RBFOX1: variants seen among roughly 807,000 people sequenced by gnomAD.
RBFOX1 encodes the protein RNA binding protein fox-1 homolog 1.
A neutral mutation model predicts 57.7 loss-of-function variants in RBFOX1; 8 were observed. The observed-to-expected ratio is 0.14, with a 90% CI of 0.08 to 0.25. The LOEUF is 0.25. Ranked by LOEUF, RBFOX1 falls within the 10% of genes least tolerant of loss-of-function variation. The pLI, the probability that RBFOX1 is intolerant of heterozygous loss-of-function variation, is 1.00. For missense variants in RBFOX1, 611 were observed against 548.5 expected (o/e 1.11, Z -1.14); for synonymous variants, 326 against 222.4 (o/e 1.47, Z -4.15).
At chr16:7,562,488 C>A (rs1006954790) in intron 5 of RBFOX1, among the ~76,000 whole-genome samples, 1 of 152,122 alleles carries the variant, frequency 6.6e-6, no homozygotes, top group African/African-American at 2.4e-5. Context: ...ACACGAGACC[C>A]TGGGCAACTA....
At chr16:6,491,819 GT>G (rs201017025) in intron 2 of RBFOX1, among the ~76,000 whole-genome samples, 1 of 151,876 alleles carries the variant, frequency 6.6e-6, no homozygotes, top group African/African-American at 2.4e-5. Flanking sequence ...CCCTTTCCCC[GT>G]TTTTTTGGCC....
At chr16:6,904,129 G>T (rs999463883) in intron 3 of RBFOX1, among the ~76,000 whole-genome samples, 1 of 152,146 alleles carries the variant, frequency 6.6e-6, no homozygotes, top group African/African-American at 2.4e-5. Context: ...AGTGCAGTTC[G>T]TTCTCAGATC....
chr16:7,597,588 A>T (rs1468761280), intron 9 of RBFOX1, among the ~76,000 whole-genome samples, 157 bp downstream of exon 9: 1 of 152,236 alleles, frequency 6.6e-6, no homozygotes, highest in Non-Finnish European at 1.5e-5. Context: ...CATCAATAAG[A>T]TCATTTTCAC....
At chr16:5,589,672 T>A (rs1399339020) in intron 2 of RBFOX1, among the ~76,000 whole-genome samples, 1 of 152,244 alleles carries the variant, frequency 6.6e-6, no homozygotes, top group African/African-American at 2.4e-5. Context: ...AAGTCCATAA[T>A]GGACTGGGTT....
At chr16:7,120,023 G>A (rs1397659793) in intron 4 of RBFOX1, among the ~76,000 whole-genome samples, 2 of 143,404 alleles carry the variant, frequency 1.4e-5, no homozygotes, top group East Asian at 4.2e-4. Flanking sequence ...ATTGAGTTAA[G>A]CTGGAAATCA....
At chr16:7,511,619 A>C (rs2075105309) in intron 4 of RBFOX1, among the ~76,000 whole-genome samples, 1 of 151,434 alleles carries the variant, frequency 6.6e-6, no homozygotes, top group Non-Finnish European at 1.5e-5. Context: ...AATTGAAATG[A>C]CTTTTTTTTT....
At chr16:5,937,320 A>G (rs2059186845) in intron 4 of RBFOX1, among the ~76,000 whole-genome samples, 1 of 152,166 alleles carries the variant, frequency 6.6e-6, no homozygotes, top group Non-Finnish European at 1.5e-5. Context: ...AAGTGAGAAG[A>G]CAGTATCCCT....
intron 1 of RBFOX1, among the ~76,000 whole-genome samples, chr16:5,431,685 TTTA>T (rs1474710993): frequency 6.6e-6 from 1 of 152,138 alleles, no homozygotes; most frequent in Non-Finnish European, 1.5e-5. Flanking sequence ...TGGTTTATTT[TTTA>T]TTATTATTTG....
intron 3 of RBFOX1, among the ~76,000 whole-genome samples, chr16:6,815,162 G>A (rs961652826): frequency 3.3e-5 from 5 of 152,164 alleles, no homozygotes; most frequent in South Asian, 2.1e-4. Context: ...CTGTCATGGC[G>A]CTGGTGAGAG....
intron 1 of RBFOX1, among the ~76,000 whole-genome samples, chr16:6,077,489 C>G (rs2095921887): frequency 6.6e-6 from 1 of 152,090 alleles, no homozygotes; most frequent in Admixed American, 6.5e-5. Context: ...TCACCCATGA[C>G]CACCACCATC....
chr16:7,684,044 G>A (rs530757541), intron 14 of RBFOX1, among the ~76,000 whole-genome samples: 24 of 152,204 alleles, frequency 1.6e-4, no homozygotes, highest in Admixed American at 2.6e-4. Context: ...AAATTTTTCA[G>A]TAAAAGTGTC....
At chr16:6,558,526 C>G (rs557399999) in intron 2 of RBFOX1, among the ~76,000 whole-genome samples, 6 of 152,240 alleles carry the variant, frequency 3.9e-5, no homozygotes, top group African/African-American at 1.4e-4. Flanking sequence ...AATCAGCCTC[C>G]TGATGTAGAA....
intron 4 of RBFOX1, among the ~76,000 whole-genome samples, chr16:7,063,535 T>G (rs116201702): frequency 0.016 from 2,365 of 152,286 alleles, 66 homozygotes; most frequent in African/African-American, 0.054. Context: ...AAGGGACTAT[T>G]TTTAAGCCAT....
intron 3 of RBFOX1, among the ~76,000 whole-genome samples, chr16:6,840,276 C>G (rs1409952042): frequency 6.6e-6 from 1 of 152,150 alleles, no homozygotes; most frequent in Non-Finnish European, 1.5e-5. Context: ...CACTGAAAGA[C>G]CTTCCGAAAA....
At chr16:6,257,471 A>AT (rs2097675382) in intron 1 of RBFOX1, among the ~76,000 whole-genome samples, 1 of 151,880 alleles carries the variant, frequency 6.6e-6, no homozygotes, top group Admixed American at 6.6e-5. Flanking sequence ...GGTTTGTTAC[A>AT]TAGGTACACT....
At chr16:6,498,344 G>C (rs1020249757) in intron 2 of RBFOX1, among the ~76,000 whole-genome samples, 1 of 152,014 alleles carries the variant, frequency 6.6e-6, no homozygotes, top group East Asian at 1.9e-4. Flanking sequence ...AGACTTATGA[G>C]CAGAAATATA....
intron 2 of RBFOX1, among the ~76,000 whole-genome samples, chr16:6,508,439 T>A (rs965313596): frequency 1.3e-5 from 2 of 152,162 alleles, no homozygotes; most frequent in East Asian, 1.9e-4. Context: ...ATTATGTGGG[T>A]TTTTTAACCA....
At chr16:7,655,715 G>A (rs778222940) in intron 12 of RBFOX1, among the ~76,000 whole-genome samples, 13 of 152,138 alleles carry the variant, frequency 8.5e-5, no homozygotes, top group African/African-American at 2.9e-4. Context: ...TACCACATTC[G>A]TTTGAAAATT....
At chr16:7,507,874 T>C (rs1280556197) in intron 4 of RBFOX1, among the ~76,000 whole-genome samples, 1 of 151,804 alleles carries the variant, frequency 6.6e-6, no homozygotes, top group African/African-American at 2.4e-5. Flanking sequence ...GAATCTGTTA[T>C]TTTTAAAAGA....
Sources: gnomAD v4.1 joint callset for allele counts (sites outside exome capture counted in the v4.1 genomes callset) on GRCh38, gnomAD v4.1.1 for gene constraint, MANE v1.5 for transcripts, NCBI Gene and HGNC (gene_info 2026-07-23, HGNC 2026-07-21) for gene names.